PCDHGB5: variants seen among roughly 807,000 people sequenced by gnomAD.
The protein encoded by PCDHGB5 is protocadherin gamma subfamily B, 5.
PCDHGB5 carries 48 observed loss-of-function variants against 62.9 expected under a neutral mutation model. The ratio of observed to expected loss-of-function variants is 0.76; its 90% CI spans 0.61 to 0.97. The LOEUF (loss-of-function observed/expected upper bound fraction) is 0.97, where lower values mean the gene tolerates loss of function less well. Among genes scored for constraint, PCDHGB5 ranks in the 50% least tolerant of loss-of-function variants. The pLI, the probability that PCDHGB5 is intolerant of heterozygous loss-of-function variation, is 0.00. For missense variants in PCDHGB5, 1,118 were observed against 1,198.6 expected (o/e 0.93, Z 0.99); for synonymous variants, 474 against 511.2 (o/e 0.93, Z 0.98).
intron 1 of PCDHGB5, chr5:141,405,107 T>A: frequency 6.2e-7 from 1 of 1,613,998 alleles, no homozygotes; most frequent in African/African-American, 1.3e-5. Flanking sequence ...GCTGAGGCAC[T>A]GGCACTCCTC....
rs749415234 is a variant in PCDHGB5 at position 141,419,462 on chromosome 5, C to G, written c.2397+18938C>G. 9 of 1,612,582 alleles carry G rather than the reference C, an allele frequency of 5.6e-6. 1 individual carries two copies. The highest frequency in any genetic ancestry group is 1.7e-5 in the Admixed American group (1 of 59,984). On this transcript the variant is annotated intron_variant, in intron 1 of 3. Transcript: ENST00000617380. ...CACCTTCGAGCTCACGCTGCAGGCC[C>G]GCGACCAGGGCTCGCCCGCGCTCAG... is the stretch of plus-strand genomic sequence containing the variant.
At chr5:141,404,703 C>T (rs545479443) in intron 1 of PCDHGB5, 3 of 1,614,124 alleles carry the variant, frequency 1.9e-6, no homozygotes, top group African/African-American at 2.7e-5. Flanking sequence ...TCTGCAGAGC[C>T]TGGCTACCTG....
At position 141,399,178 on chromosome 5, in the gene PCDHGB5, A is replaced by T; in HGVS notation, c.1051A>T (p.Met351Leu). 6.2e-7 allele frequency: 1 copy of T among 1,613,892 alleles called. No individual in the cohort carries two copies. Among genetic ancestry groups the T allele is most frequent in the Admixed American group, 1.7e-5 (1 of 60,032 alleles). The change falls in exon 1 of 4, where the codon ATG becomes TTG. Residue 351 changes from methionine (M) to leucine (L), a missense_variant. Transcript: ENST00000617380. ...PEVTFHSLLE[M>L]ILENAVPGTL... ...AGTTACATTCCATTCTCTACTTGAA[A>T]TGATTCTGGAAAACGCGGTGCCTGG...
intron 1 of PCDHGB5, chr5:141,409,410 A>G (rs1465791228): frequency 6.2e-7 from 1 of 1,614,036 alleles, no homozygotes; most frequent in African/African-American, 1.3e-5. Flanking sequence ...AACTACTACA[A>G]ACTGGTGACA....
Position 141,476,974 on chromosome 5 carries a change from C to G in PCDHGB5, c.2398-17833C>G. 1 of 1,614,268 alleles carries G rather than the reference C, an allele frequency of 6.2e-7. No homozygotes were observed. The highest frequency in any genetic ancestry group is 1.3e-5 in the African/African-American group (1 of 75,080). On this transcript the variant is annotated intron_variant, in intron 1 of 3. Coordinates refer to ENST00000617380, the MANE Select transcript of PCDHGB5 (RefSeq NM_018925.3). This position sits in a 1 kb window ranked among gnomAD's most constrained non-coding sequence, Gnocchi z 7.6. ...AAATTATTTACTCCTTCGGCAGCCA[C>G]AACCGCGCCGGCGTGCGGCAACTAT...
Position 141,432,811 on chromosome 5 carries a change from T to G in PCDHGB5, c.2397+32287T>G. Reference sequence around the variant, plus strand: ...GCAGCCTCGAGTCTCCAGCTAACTCTGAAACCTCAGACCTCACTCTGTACC... The same window carrying G: ...GCAGCCTCGAGTCTCCAGCTAACTCGGAAACCTCAGACCTCACTCTGTACC... On this transcript the variant is annotated intron_variant, in intron 1 of 3. Transcript: ENST00000617380. The surrounding 1 kb of genome is among the most constrained non-coding windows in gnomAD (Gnocchi z 6.0). 1 of 1,614,126 alleles carries G rather than the reference T, an allele frequency of 6.2e-7. No homozygotes were observed. Among genetic ancestry groups the G allele is most frequent in the Non-Finnish European group, 8.5e-7 (1 of 1,179,988 alleles).
intron 1 of PCDHGB5, chr5:141,422,399 T>A: frequency 1.3e-6 from 2 of 1,598,374 alleles, no homozygotes; most frequent in Non-Finnish European, 1.7e-6. Context: ...CCTAACCACC[T>A]GCCTTTTAAA....
Position 141,431,859 on chromosome 5 carries a change from C to T in PCDHGB5, c.2397+31335C>T. ...AACTCTCCCAGAGGGACATTAATTG[C>T]CCTTTTAAATGTAAATGACCAAGAT... On this transcript the variant is annotated intron_variant, in intron 1 of 3. Coordinates refer to ENST00000617380, the MANE Select transcript of PCDHGB5 (RefSeq NM_018925.3). The surrounding 1 kb of genome is among the most constrained non-coding windows in gnomAD (Gnocchi z 4.8). 3.1e-6 allele frequency: 5 copies of T among 1,614,178 alleles called. No homozygotes were observed. The highest frequency in any genetic ancestry group is 4.2e-6 in the Non-Finnish European group (5 of 1,180,008).
intron 1 of PCDHGB5, chr5:141,413,033 T>C: frequency 1.3e-6 from 1 of 776,760 alleles, no homozygotes; most frequent in Non-Finnish European, 2.0e-6. Context: ...ACAAACCGGC[T>C]GCTGGGCTGC....
At chr5:141,457,062 T>C (rs1168687034) in intron 1 of PCDHGB5, among the ~76,000 whole-genome samples, 1 of 152,232 alleles carries the variant, frequency 6.6e-6, no homozygotes, top group Non-Finnish European at 1.5e-5. Context: ...GCTTCCTTTT[T>C]GCCAGTAACT....
At position 141,413,315 on chromosome 5, in the gene PCDHGB5, C is replaced by G. The variant is rs747758921; in HGVS notation, c.2397+12791C>G. The stretch of plus-strand genomic sequence containing the variant: ...ATTCCTGAGGAATTAGAGAAAGGCT[C>G]TTTCGTGGGCAACATCTCCAAGGAC... On this transcript the variant is annotated intron_variant, in intron 1 of 3. Transcript: ENST00000617380. 6 of 1,613,976 alleles carry G rather than the reference C, an allele frequency of 3.7e-6. No individual in the cohort carries two copies. The South Asian group carries it at 5.5e-5, about 15-fold the overall frequency.
intron 1 of PCDHGB5, chr5:141,427,949 C>T (rs2097092193): frequency 1.3e-6 from 2 of 1,586,882 alleles, no homozygotes; most frequent in South Asian, 1.1e-5. Context: ...ACCTCAATGA[C>T]AATGTGCCGC....
At chr5:141,496,838 T>C (rs182118142) in intron 2 of PCDHGB5, among the ~76,000 whole-genome samples, 39 of 150,790 alleles carry the variant, frequency 2.6e-4, no homozygotes, top group African/African-American at 8.3e-4. Flanking sequence ...CCAGAACTCA[T>C]AGGCTTCCAG....
At chr5:141,435,362 C>A (rs2097758711) in intron 1 of PCDHGB5, among the ~76,000 whole-genome samples, 1 of 152,120 alleles carries the variant, frequency 6.6e-6, no homozygotes, top group Admixed American at 6.6e-5. Flanking sequence ...AAAATTTTAT[C>A]ACTTAAATAT....
In PCDHGB5 at chr5:141,398,900, G is replaced by C. The variant is rs765284630; in HGVS notation, c.773G>C (p.Gly258Ala). Reference protein sequence around the residue: ...RVSLRENVPPGTTVLQVSATD... With the variant: ...RVSLRENVPPATTVLQVSATD... Reference sequence around the variant, plus strand: ...AGCCTTCGGGAAAACGTGCCACCAGGCACCACTGTGTTGCAAGTGTCAGCC... The same window carrying C: ...AGCCTTCGGGAAAACGTGCCACCAGCCACCACTGTGTTGCAAGTGTCAGCC... The change falls in exon 1 of 4, where the codon GGC becomes GCC. Residue 258 changes from glycine to alanine, a missense_variant. This residue lies in a region of PCDHGB5 where 1,034 missense variants were observed against 1,029.1 expected (regional missense o/e 1.00). Transcript: ENST00000617380. The C allele has an allele frequency of 6.2e-7, 1 of 1,613,964 alleles. No individual in the cohort carries two copies. Among genetic ancestry groups the C allele is most frequent in the South Asian group, 1.1e-5 (1 of 91,066 alleles).
intron 1 of PCDHGB5, among the ~76,000 whole-genome samples, chr5:141,460,653 G>A (rs10058370): frequency 0.17 from 25,559 of 151,914 alleles, 2,196 homozygotes; most frequent in South Asian, 0.22. Flanking sequence ...TTACACATAT[G>A]TAACTGTAAA....
chr5:141,422,677 C>G, intron 1 of PCDHGB5: 1 of 1,606,186 alleles, frequency 6.2e-7, no homozygotes, highest in Non-Finnish European at 8.5e-7. Context: ...GGACAGCAAA[C>G]AGAATGCCCT....
intron 1 of PCDHGB5, chr5:141,409,483 G>C: frequency 6.2e-7 from 1 of 1,613,944 alleles, no homozygotes; most frequent in Non-Finnish European, 8.5e-7. Context: ...CCACTGACAG[G>C]GGCAAGCCGC....
chr5:141,500,400 G>A (rs2099799942), intron 2 of PCDHGB5, among the ~76,000 whole-genome samples: 1 of 151,666 alleles, frequency 6.6e-6, no homozygotes, highest in East Asian at 1.9e-4. Context: ...TAGTAGAGAC[G>A]GGGTTTCACC....
Sources: allele counts gnomAD v4.1 joint callset (sites outside exome capture counted in the v4.1 genomes callset), GRCh38; gene constraint gnomAD v4.1.1; regional missense constraint gnomAD v4.1.1; non-coding constraint Gnocchi (gnomAD v3.1); transcripts MANE v1.5; gene names NCBI Gene and HGNC (gene_info 2026-07-23, HGNC 2026-07-21).